KIF26B: variants seen among roughly 807,000 people sequenced by gnomAD.
KIF26B encodes kinesin family member 26B.
In KIF26B, 63 loss-of-function variants were observed where a neutral mutation model predicts 151.2. The ratio of observed to expected loss-of-function variants is 0.42; its 90% CI spans 0.34 to 0.51. The LOEUF (loss-of-function observed/expected upper bound fraction) is 0.51. Ranked by LOEUF, KIF26B falls within the 20% of genes least tolerant of loss-of-function variation. The pLI is 0.07. For missense variants in KIF26B, 2,813 were observed against 2,913.6 expected, an observed-to-expected ratio of 0.97 and a Z score of 0.79; for synonymous variants, 1,357 against 1,262.1, an observed-to-expected ratio of 1.08 and a Z score of -1.59.
At chr1:245,543,818 C>T (rs1301550981) in intron 5 of KIF26B, among the ~76,000 whole-genome samples, 2 of 152,098 alleles carry the variant, frequency 1.3e-5, no homozygotes, top group Non-Finnish European at 2.9e-5. Flanking sequence ...CTTGGCGGCA[C>T]GTACCTGTAA....
chr1:245,559,006 C>T (rs1010463117), intron 5 of KIF26B, among the ~76,000 whole-genome samples: 1 of 152,206 alleles, frequency 6.6e-6, no homozygotes, highest in African/African-American at 2.4e-5. Flanking sequence ...ACACTGAACA[C>T]CATCGTGTGT....
At chr1:245,329,960 C>T (rs115460584) in intron 2 of KIF26B, among the ~76,000 whole-genome samples, 3,964 of 152,128 alleles carry the variant, frequency 0.026, 89 homozygotes, top group Non-Finnish European at 0.042. Context: ...CTACAGCTAC[C>T]GTGTCTGGCT....
At chr1:245,346,354 C>T (rs368686536) in intron 2 of KIF26B, among the ~76,000 whole-genome samples, 2 of 152,168 alleles carry the variant, frequency 1.3e-5, no homozygotes, top group East Asian at 3.9e-4. Context: ...GTCCCCACAC[C>T]CTGAACCACC....
intron 3 of KIF26B, among the ~76,000 whole-genome samples, chr1:245,384,359 G>T (rs1315374565): frequency 6.6e-6 from 1 of 152,218 alleles, no homozygotes; most frequent in Admixed American, 6.5e-5. Context: ...TGAGGGCTTT[G>T]TGTGTCTTAA....
At chr1:245,324,870 G>A (rs993991984) in intron 2 of KIF26B, among the ~76,000 whole-genome samples, 2 of 151,958 alleles carry the variant, frequency 1.3e-5, no homozygotes, top group African/African-American at 4.8e-5. Flanking sequence ...CGAGGTGGGC[G>A]GATTACCTGA....
In KIF26B at chr1:245,687,040, A is replaced by C. The variant is rs756913298; in HGVS notation, c.4057A>C (p.Lys1353Gln). ...TGAGATGGGAGATGACTCTTTCAACAAAGCAGCCCCCATCAAAGGCTGCAA... is the reference window on the plus strand; with the variant it reads ...TGAGATGGGAGATGACTCTTTCAACCAAGCAGCCCCCATCAAAGGCTGCAA... ...LSEMGDDSFN[K>Q]AAPIKGCKIS... Residue 1353 changes from lysine (K) to glutamine (Q), a missense_variant, in exon 12 of 15, where the codon AAA (lysine) becomes CAA (glutamine). Lys to Gln is a moderately conservative substitution (Grantham distance 53, BLOSUM62 1). Transcript: ENST00000407071. The surrounding 1 kb of genome is among the most constrained non-coding windows in gnomAD (Gnocchi z 4.9). 1.2e-6 allele frequency: 2 copies of C among 1,613,424 alleles called. No individual in the cohort carries two copies. Among genetic ancestry groups the C allele is most frequent in the East Asian group, 4.5e-5 (2 of 44,878 alleles).
intron 4 of KIF26B, among the ~76,000 whole-genome samples, chr1:245,527,911 C>A (rs1339021615): frequency 6.6e-6 from 1 of 151,780 alleles, no homozygotes; most frequent in Non-Finnish European, 1.5e-5. Context: ...TGTATTAAGC[C>A]CAGTTTCCAT....
At chr1:245,185,732 A>G (rs1354103243) in intron 2 of KIF26B, among the ~76,000 whole-genome samples, 3 of 152,152 alleles carry the variant, frequency 2.0e-5, no homozygotes, top group Non-Finnish European at 2.9e-5. Context: ...CCCCTCTCCC[A>G]TGTGTGCTAA....
chr1:245,507,818 A>G (rs1244350902), intron 4 of KIF26B, among the ~76,000 whole-genome samples: 1 of 151,994 alleles, frequency 6.6e-6, no homozygotes, highest in African/African-American at 2.4e-5. Context: ...TTTTGACAAC[A>G]TCTGTTGTCA....
At chr1:245,701,427 T>C (rs2044770966) in intron 14 of KIF26B, among the ~76,000 whole-genome samples, 1 of 152,148 alleles carries the variant, frequency 6.6e-6, no homozygotes, top group African/African-American at 2.4e-5. Context: ...GTTTTGGTTT[T>C]TAAATATTAA....
intron 9 of KIF26B, among the ~76,000 whole-genome samples, chr1:245,619,333 G>A (rs2043631468): frequency 1.3e-5 from 2 of 152,370 alleles, no homozygotes; most frequent in East Asian, 1.9e-4. Flanking sequence ...AATGAAATGT[G>A]TGCTGTGGTT....
chr1:245,589,914 G>C (rs1162071522), intron 5 of KIF26B, among the ~76,000 whole-genome samples: 1 of 152,244 alleles, frequency 6.6e-6, no homozygotes, highest in East Asian at 1.9e-4. Context: ...TGATCATGCA[G>C]TGAGCTGCAG....
In KIF26B at chr1:245,364,597, A is replaced by G. The variant is rs541905217; in HGVS notation, c.466-2237A>G. Among the ~76,000 whole-genome samples, 311 of 151,218 alleles carry G rather than the reference A, an allele frequency of 2.1e-3. 1 individual carries two copies. The highest frequency in any genetic ancestry group is 2.0e-3 in the Non-Finnish European group (139 of 67,810). On this transcript the variant is annotated intron_variant, in intron 2 of 14. Transcript: ENST00000407071. ...CACCACGCCCAGCTAATTTTTTTGT[A>G]TTTTAGTACAGATGGTGTTTCACCA...
At chr1:245,472,025 C>T (rs907652411) in intron 4 of KIF26B, among the ~76,000 whole-genome samples, 1 of 152,186 alleles carries the variant, frequency 6.6e-6, no homozygotes, top group Admixed American at 6.5e-5. Flanking sequence ...CTCCTGACCT[C>T]AGATGATCCG....
At chr1:245,491,646 G>A (rs1437875051) in intron 4 of KIF26B, among the ~76,000 whole-genome samples, 1 of 152,182 alleles carries the variant, frequency 6.6e-6, no homozygotes, top group Non-Finnish European at 1.5e-5. Flanking sequence ...AGTGTCTCAC[G>A]CCTATCATCT....
intron 5 of KIF26B, among the ~76,000 whole-genome samples, chr1:245,592,088 T>C (rs2043294433): frequency 1.3e-5 from 2 of 152,230 alleles, no homozygotes; most frequent in African/African-American, 2.4e-5. Context: ...CCGGGCTCCA[T>C]TCTCCCGTCC....
intron 2 of KIF26B, among the ~76,000 whole-genome samples, chr1:245,317,571 C>G (rs114671528): frequency 2.2e-3 from 342 of 152,348 alleles, no homozygotes; most frequent in African/African-American, 8.0e-3. Context: ...CTGCATGCCG[C>G]TGAATGATGA....
chr1:245,295,914 T>A (rs530678222), intron 2 of KIF26B, among the ~76,000 whole-genome samples: 1 of 152,276 alleles, frequency 6.6e-6, no homozygotes, highest in South Asian at 2.1e-4. Context: ...GAAACTGTGT[T>A]TAGAACTTGA....
chr1:245,365,403 G>A (rs774366419), intron 2 of KIF26B, among the ~76,000 whole-genome samples: 1 of 152,072 alleles, frequency 6.6e-6, no homozygotes, highest in Non-Finnish European at 1.5e-5. Context: ...GGAGCTGTTC[G>A]GGGTAGTTAA....
Sources: allele counts gnomAD v4.1 joint callset (sites outside exome capture counted in the v4.1 genomes callset), GRCh38; gene constraint gnomAD v4.1.1; non-coding constraint Gnocchi (gnomAD v3.1); transcripts MANE v1.5; gene names NCBI Gene and HGNC (gene_info 2026-07-23, HGNC 2026-07-21).